The following RBFOX1 variants were observed in gnomAD, a reference collection of about 807,000 sequenced individuals.
The protein encoded by RBFOX1 is RNA binding protein fox-1 homolog 1.
In RBFOX1, 8 loss-of-function variants were observed where a neutral mutation model predicts 57.7. The observed-to-expected ratio is 0.14, with a 90% CI of 0.08 to 0.25. The LOEUF is 0.25. RBFOX1 is among the 10% of genes least tolerant of loss of function. RBFOX1 has a pLI of 1.00. For synonymous variants in RBFOX1, 326 were observed against 222.4 expected (o/e 1.47, Z -4.15); for missense variants, 611 against 548.5 (o/e 1.11, Z -1.14).
chr16:7,207,409 A>C (rs1387002063), intron 4 of RBFOX1, among the ~76,000 whole-genome samples: 1 of 152,166 alleles, frequency 6.6e-6, no homozygotes, highest in Non-Finnish European at 1.5e-5. Context: ...TGAATGGTAG[A>C]GAGAGGAACT....
intron 2 of RBFOX1, among the ~76,000 whole-genome samples, chr16:6,632,228 G>C (rs1011726974): frequency 2.6e-5 from 4 of 151,928 alleles, no homozygotes; most frequent in African/African-American, 9.7e-5. Flanking sequence ...AAGAACTTTA[G>C]AGTCTGTTTT....
chr16:6,938,532 C>T (rs2077754621), intron 3 of RBFOX1, among the ~76,000 whole-genome samples: 1 of 151,510 alleles, frequency 6.6e-6, no homozygotes. Flanking sequence ...AAATGCCTAA[C>T]ATTCTAGCAT....
chr16:5,837,013 G>GC (rs1392151813), intron 3 of RBFOX1, among the ~76,000 whole-genome samples: 1 of 152,256 alleles, frequency 6.6e-6, no homozygotes, highest in Admixed American at 6.5e-5. Context: ...TAGAGCCCTT[G>GC]CGTGGTCCCT....
intron 3 of RBFOX1, among the ~76,000 whole-genome samples, chr16:5,657,422 A>T (rs1244240779): frequency 6.6e-6 from 1 of 152,178 alleles, no homozygotes; most frequent in Non-Finnish European, 1.5e-5. Context: ...ACTGGAGTGA[A>T]TAAAGTACTC....
chr16:7,215,559 T>G (rs978851507), intron 4 of RBFOX1, among the ~76,000 whole-genome samples: 1 of 152,160 alleles, frequency 6.6e-6, no homozygotes, highest in Non-Finnish European at 1.5e-5. Flanking sequence ...GTTCAATGTT[T>G]TGTAAGTACA....
intron 1 of RBFOX1, among the ~76,000 whole-genome samples, chr16:5,285,762 T>C (rs1055425277): frequency 1.3e-5 from 2 of 152,186 alleles, no homozygotes; most frequent in South Asian, 4.1e-4. Context: ...TGGCTTAGAC[T>C]GCAGTTTTTT....
At position 6,019,432 on chromosome 16, in the gene RBFOX1, G is replaced by C. The variant is rs1316012303; in HGVS notation, c.-687G>C. The C allele has an allele frequency of 1.0e-6, 1 of 988,444 alleles. No individual in the cohort carries two copies. The allele number at this position is 988,444 out of a possible 1,614,324, so 61.2% of individuals were successfully genotyped here. A position where few individuals can be genotyped will look rare whatever the true frequency, so the allele number is the denominator to read the frequency against. On this transcript the variant is annotated 5_prime_UTR_variant, in exon 1 of 16. Transcript: ENST00000550418. This position sits in a 1 kb window ranked among gnomAD's most constrained non-coding sequence, Gnocchi z 4.2. Reference sequence around the variant, plus strand: ...TGGCGGACGGCGGACGGAGCCCAGGGGCCGCGTCGGGTGGGGAAACCCGAA... The same window carrying C: ...TGGCGGACGGCGGACGGAGCCCAGGCGCCGCGTCGGGTGGGGAAACCCGAA...
chr16:7,551,293 T>C (rs966122771), intron 5 of RBFOX1, among the ~76,000 whole-genome samples: 2 of 152,046 alleles, frequency 1.3e-5, no homozygotes, highest in South Asian at 4.2e-4. Flanking sequence ...AAAGTCACCA[T>C]ACAAGCAACA....
intron 3 of RBFOX1, among the ~76,000 whole-genome samples, chr16:6,889,629 A>G (rs2064954835): frequency 6.6e-6 from 1 of 152,182 alleles, no homozygotes; most frequent in Non-Finnish European, 1.5e-5. Flanking sequence ...GTGCCAATCC[A>G]TATCCGTAAG....
At chr16:5,434,284 C>G (rs973399361) in intron 1 of RBFOX1, among the ~76,000 whole-genome samples, 11 of 148,380 alleles carry the variant, frequency 7.4e-5, no homozygotes, top group African/African-American at 2.7e-4. Flanking sequence ...TCCCCAGACA[C>G]ACGCATCAGA....
At chr16:5,598,173 C>T (rs1434906880) in intron 2 of RBFOX1, among the ~76,000 whole-genome samples, 1 of 151,510 alleles carries the variant, frequency 6.6e-6, no homozygotes, top group Non-Finnish European at 1.5e-5. Context: ...TGGCGGGTGC[C>T]TATAGTCCCA....
At chr16:5,508,719 G>T (rs1389482516) in intron 2 of RBFOX1, among the ~76,000 whole-genome samples, 1 of 152,214 alleles carries the variant, frequency 6.6e-6, no homozygotes, top group Non-Finnish European at 1.5e-5. Context: ...TACCCAAGGT[G>T]GGGCGGGGGA....
At chr16:5,330,561 T>C (rs2064722866) in intron 1 of RBFOX1, among the ~76,000 whole-genome samples, 1 of 151,994 alleles carries the variant, frequency 6.6e-6, no homozygotes, top group African/African-American at 2.4e-5. Context: ...CGTGCTACCA[T>C]GCCCGGCTAA....
At chr16:5,749,917 G>A (rs556492578) in intron 3 of RBFOX1, among the ~76,000 whole-genome samples, 17 of 152,320 alleles carry the variant, frequency 1.1e-4, no homozygotes, top group East Asian at 3.9e-4. Flanking sequence ...GAGGAGCTGC[G>A]TTCCTTTAGA....
At chr16:7,261,097 T>C (rs1247302539) in intron 4 of RBFOX1, among the ~76,000 whole-genome samples, 1 of 152,092 alleles carries the variant, frequency 6.6e-6, no homozygotes, top group Non-Finnish European at 1.5e-5. Context: ...GGAGGGACAA[T>C]GGCATCAAGT....
intron 2 of RBFOX1, among the ~76,000 whole-genome samples, chr16:6,562,682 T>C (rs1567692370): frequency 1.3e-5 from 2 of 152,184 alleles, no homozygotes; most frequent in African/African-American, 4.8e-5. Flanking sequence ...AGTCTCTTAC[T>C]TGGAACCAGG....
intron 3 of RBFOX1, among the ~76,000 whole-genome samples, chr16:6,658,384 T>A (rs1268640643): frequency 6.6e-6 from 1 of 151,944 alleles, no homozygotes; most frequent in Non-Finnish European, 1.5e-5. Context: ...AATTTTTGTA[T>A]TCTTAGTAGA....
intron 4 of RBFOX1, among the ~76,000 whole-genome samples, chr16:7,229,096 C>A (rs994439830): frequency 2.0e-5 from 3 of 152,086 alleles, no homozygotes; most frequent in Non-Finnish European, 4.4e-5. Flanking sequence ...AAGAAGGGAG[C>A]ACTCTGAAAG....
intron 1 of RBFOX1, among the ~76,000 whole-genome samples, chr16:6,230,385 G>C (rs756445369): frequency 3.9e-5 from 6 of 152,106 alleles, no homozygotes; most frequent in Non-Finnish European, 5.9e-5. Flanking sequence ...GAGAATTGGG[G>C]CTTTAACTAA....
Sources: gnomAD v4.1 joint callset for allele counts (sites outside exome capture counted in the v4.1 genomes callset) on GRCh38, gnomAD v4.1.1 for gene constraint, Gnocchi (gnomAD v3.1) non-coding constraint, MANE v1.5 for transcripts, NCBI Gene and HGNC (gene_info 2026-07-23, HGNC 2026-07-21) for gene names.